NPAS3: variants seen among roughly 807,000 people sequenced by gnomAD.
The protein encoded by NPAS3 is neuronal PAS domain-containing protein 3.
Under a neutral mutation model 73.1 loss-of-function variants are expected in NPAS3, and 14 were observed. The ratio of observed to expected loss-of-function variants is 0.19; its 90% CI spans 0.13 to 0.30. The LOEUF (loss-of-function observed/expected upper bound fraction) is 0.30, where lower values mean the gene tolerates loss of function less well. NPAS3 is among the 10% of genes least tolerant of loss of function. The probability of loss-of-function intolerance (pLI) is 1.00; values close to 1 mark genes in which losing one functional copy is unlikely to be tolerated. For synonymous variants in NPAS3, 620 were observed against 541.5 expected, an observed-to-expected ratio of 1.14 and a Z score of -2.01; for missense variants, 1,096 against 1,250.0, an observed-to-expected ratio of 0.88 and a Z score of 1.86.
chr14:33,202,552 G>C (rs1168532731), intron 2 of NPAS3, among the ~76,000 whole-genome samples: 1 of 152,110 alleles, frequency 6.6e-6, no homozygotes, highest in East Asian at 1.9e-4. Context: ...TCAGAGGACT[G>C]AGCCTTTTTT....
intron 5 of NPAS3, among the ~76,000 whole-genome samples, chr14:33,563,646 T>G (rs2055777239): frequency 6.6e-6 from 1 of 152,150 alleles, no homozygotes; most frequent in African/African-American, 2.4e-5. Flanking sequence ...CTTGCTTTCC[T>G]GTGTAAAAAT....
chr14:33,422,595 T>A (rs1308138747), intron 4 of NPAS3, among the ~76,000 whole-genome samples: 1 of 151,942 alleles, frequency 6.6e-6, no homozygotes, highest in Non-Finnish European at 1.5e-5. Flanking sequence ...CTTCTCCTAC[T>A]AAAATGAAAG....
chr14:32,938,505 G>GAGAGAGAGAGAGAGAGAC (rs2035793599), upstream of NPAS3, among the ~76,000 whole-genome samples: 1 of 116,728 alleles, frequency 8.6e-6, no homozygotes, highest in African/African-American at 3.6e-5. Context: ...GAGAGAGAGA[G>GAGAGAGAGAGAGAGAGAC]AGAGAGAGAG....
intron 3 of NPAS3, among the ~76,000 whole-genome samples, chr14:33,268,967 A>G (rs185963571): frequency 3.3e-5 from 5 of 152,236 alleles, no homozygotes; most frequent in Admixed American, 2.0e-4. Context: ...CTTGAAGTGA[A>G]AGGTCATGGC....
rs151201601 is a variant in NPAS3, at chr14:33,563,712, A to T, written c.558+3502A>T. Among the ~76,000 whole-genome samples, 39 of 152,270 alleles carry T rather than the reference A, an allele frequency of 2.6e-4. No individual in the cohort carries two copies. The East Asian group carries it at 6.6e-3, about 26-fold the overall frequency. On this transcript the variant is annotated intron_variant, in intron 5 of 11. Transcript: ENST00000356141. The stretch of plus-strand genomic sequence containing the variant: ...CTTAAAGGAAGATTCCCACATACTG[A>T]TGCTGAGTTTGGCTTGCATAGAGAC...
At chr14:33,392,636 T>C (rs553858448) in intron 4 of NPAS3, among the ~76,000 whole-genome samples, 3 of 152,160 alleles carry the variant, frequency 2.0e-5, no homozygotes, top group Non-Finnish European at 4.4e-5. Context: ...TTATGACTAT[T>C]TCCATATTTC....
At chr14:33,092,884 A>G (rs1009098650) in intron 2 of NPAS3, among the ~76,000 whole-genome samples, 10 of 152,366 alleles carry the variant, frequency 6.6e-5, no homozygotes, top group South Asian at 6.2e-4. Flanking sequence ...TTCCCTATTT[A>G]ATAAATGGTG....
In NPAS3 at chr14:33,374,365, C is replaced by T. The variant is rs574409682; in HGVS notation, c.468+7097C>T. ...TTCTACGTTTCTTCTGTTAATCACA[C>T]TTTGAAGATTGGTAAAGGGCATATC... On this transcript the variant is annotated intron_variant, in intron 4 of 11. Transcript: ENST00000356141. 1.5e-4 allele frequency among the ~76,000 whole-genome samples: 23 copies of T among 152,214 alleles called. 1 individual carries two copies. The South Asian group carries it at 4.8e-3, about 32-fold the overall frequency.
intron 1 of NPAS3, among the ~76,000 whole-genome samples, chr14:32,986,295 T>C (rs997102046): frequency 2.6e-5 from 4 of 152,248 alleles, no homozygotes; most frequent in African/African-American, 7.2e-5. Flanking sequence ...TCATTCATTA[T>C]GATTCAGCGT....
chr14:33,575,997 C>A (rs2056418316), intron 5 of NPAS3, among the ~76,000 whole-genome samples: 1 of 152,084 alleles, frequency 6.6e-6, no homozygotes, highest in South Asian at 2.1e-4. Context: ...TTGTAGGCAC[C>A]TCAACCCTTA....
intron 2 of NPAS3, among the ~76,000 whole-genome samples, chr14:33,120,508 C>T (rs557053723): frequency 6.6e-6 from 1 of 152,222 alleles, no homozygotes; most frequent in African/African-American, 2.4e-5. Context: ...ATACATGCTT[C>T]CTTACACCCA....
chr14:33,171,822 C>G (rs1013687567), intron 2 of NPAS3, among the ~76,000 whole-genome samples: 3 of 152,152 alleles, frequency 2.0e-5, no homozygotes, highest in Non-Finnish European at 4.4e-5. Flanking sequence ...TTTCGACGTG[C>G]CTTTCTCACT....
In NPAS3 at chr14:33,800,132, G is replaced by A. The variant is rs766694241; in HGVS notation, c.1825G>A (p.Gly609Ser). Residue 609 changes from glycine (G) to serine (S), a missense_variant, in exon 12 of 12, where the codon GGC (glycine) becomes AGC (serine). Around this residue, in one of 5 missense-constraint regions of NPAS3, gnomAD observed 698 missense variants for 676.7 expected, o/e 1.03. Transcript: ENST00000356141. This position sits in a 1 kb window ranked among gnomAD's most constrained non-coding sequence, Gnocchi z 6.5. ...CAAGAAAAGGCGGAAACGGCAAAAG[G>A]GCGGCAGCGCCAGCCGCCGGCGCCT... is the stretch of plus-strand genomic sequence containing the variant. The A allele has an allele frequency of 8.2e-6, 13 of 1,582,474 alleles. No homozygotes were observed. Among genetic ancestry groups the A allele is most frequent in the Non-Finnish European group, 1.1e-5 (13 of 1,166,056 alleles).
chr14:33,378,610 C>T (rs116172942), intron 4 of NPAS3, among the ~76,000 whole-genome samples: 3,067 of 151,874 alleles, frequency 0.02, 102 homozygotes, highest in African/African-American at 0.07. Flanking sequence ...CACTCCAGTC[C>T]GGGAGACAGA....
intron 5 of NPAS3, among the ~76,000 whole-genome samples, chr14:33,599,009 T>C (rs1480195441): frequency 1.3e-5 from 2 of 152,232 alleles, no homozygotes; most frequent in Non-Finnish European, 2.9e-5. Flanking sequence ...GTTCAAACTT[T>C]ATGTCACCAA....
intron 1 of NPAS3, among the ~76,000 whole-genome samples, chr14:33,050,726 A>T (rs747135846): frequency 7.9e-5 from 12 of 152,214 alleles, no homozygotes; most frequent in Non-Finnish European, 1.3e-4. Context: ...CACAGTGCAA[A>T]ACACATTTCG....
chr14:33,644,329 A>G (rs1276190023), intron 5 of NPAS3, among the ~76,000 whole-genome samples: 1 of 152,212 alleles, frequency 6.6e-6, no homozygotes, highest in East Asian at 1.9e-4. Context: ...ACCTTTATTT[A>G]TATATTTATA....
intron 4 of NPAS3, among the ~76,000 whole-genome samples, chr14:33,493,937 T>G (rs2052034579): frequency 6.6e-6 from 1 of 152,128 alleles, no homozygotes; most frequent in Non-Finnish European, 1.5e-5. Flanking sequence ...TGACTGGGTT[T>G]TTGAGGACTG....
chr14:32,981,430 T>C (rs1036663201), intron 1 of NPAS3, among the ~76,000 whole-genome samples: 8 of 152,324 alleles, frequency 5.3e-5, no homozygotes, highest in Middle Eastern at 3.4e-3. Context: ...TGAATCTACC[T>C]CTGGAGTAAA....
Sources: allele counts gnomAD v4.1 joint callset (sites outside exome capture counted in the v4.1 genomes callset), GRCh38; gene constraint gnomAD v4.1.1; regional missense constraint gnomAD v4.1.1; non-coding constraint Gnocchi (gnomAD v3.1); transcripts MANE v1.5; gene names NCBI Gene and HGNC (gene_info 2026-07-23, HGNC 2026-07-21).